Variants in CREB5 observed in about 807,000 individuals in gnomAD.
CREB5 encodes the protein cAMP responsive element binding protein 5.
Under a neutral mutation model 57.1 loss-of-function variants are expected in CREB5, and 19 were observed. That is an observed-to-expected ratio of 0.33 (90% confidence interval 0.23 to 0.49). The LOEUF is 0.49. Among genes scored for constraint, CREB5 ranks in the 20% least tolerant of loss-of-function variants. CREB5 has a pLI of 0.99. For missense variants in CREB5, 579 were observed against 671.6 expected (o/e 0.86, Z 1.52); for synonymous variants, 238 against 238.3 (o/e 1.00, Z 0.01).
chr7:28,418,874 A>C (rs1788121085), intron 1 of CREB5, among the ~76,000 whole-genome samples: 1 of 152,180 alleles, frequency 6.6e-6, no homozygotes, highest in African/African-American at 2.4e-5. Flanking sequence ...GGTTGCTTCC[A>C]GGTAGGGATT....
intron 1 of CREB5, among the ~76,000 whole-genome samples, chr7:28,360,741 A>G (rs1028636196): frequency 6.6e-6 from 1 of 152,236 alleles, no homozygotes; most frequent in Non-Finnish European, 1.5e-5. Context: ...ATATGTAATA[A>G]CACTTAAAAA....
chr7:28,341,979 A>G (rs1017310497), intron 1 of CREB5, among the ~76,000 whole-genome samples: 1 of 152,224 alleles, frequency 6.6e-6, no homozygotes, highest in African/African-American at 2.4e-5. Flanking sequence ...GGAAAAGGCC[A>G]TTTGGAAATC....
chr7:28,603,930 A>T (rs530768530), intron 5 of CREB5, among the ~76,000 whole-genome samples: 1 of 152,260 alleles, frequency 6.6e-6, no homozygotes, highest in South Asian at 2.1e-4. Flanking sequence ...GTTGTTTCAC[A>T]AGTTTAAGGG....
chr7:28,462,207 A>G (rs894742816), intron 1 of CREB5, among the ~76,000 whole-genome samples: 1 of 152,120 alleles, frequency 6.6e-6, no homozygotes, highest in Admixed American at 6.5e-5. Context: ...ACTTAGCATA[A>G]CTTTTTCAAG....
chr7:28,811,855 C>T (rs569939919), intron 9 of CREB5, among the ~76,000 whole-genome samples: 3 of 152,190 alleles, frequency 2.0e-5, no homozygotes, highest in Admixed American at 1.3e-4. Flanking sequence ...TAAATATTAC[C>T]GCAGTGGTTC....
At chr7:28,475,501 A>C (rs1791033919) in intron 1 of CREB5, among the ~76,000 whole-genome samples, 1 of 151,950 alleles carries the variant, frequency 6.6e-6, no homozygotes, top group Non-Finnish European at 1.5e-5. Context: ...GAAGAGTGAA[A>C]ATAAGAATAA....
chr7:28,443,528 G>C (rs1431654129), intron 1 of CREB5, among the ~76,000 whole-genome samples: 1 of 152,146 alleles, frequency 6.6e-6, no homozygotes, highest in Non-Finnish European at 1.5e-5. Flanking sequence ...AGTCCATAGA[G>C]GACTGTCTCC....
chr7:28,425,367 A>G (rs537025757), intron 1 of CREB5, among the ~76,000 whole-genome samples: 2 of 152,272 alleles, frequency 1.3e-5, no homozygotes, highest in East Asian at 1.9e-4. Context: ...ATAATTCCAT[A>G]CATAGGAAAT....
intron 1 of CREB5, among the ~76,000 whole-genome samples, chr7:28,386,788 T>A (rs1157948980): frequency 2.0e-5 from 3 of 152,204 alleles, no homozygotes; most frequent in South Asian, 2.1e-4. Context: ...GACTAATGTA[T>A]TGTTACCCTG....
chr7:28,537,584 G>A (rs1220816160), intron 4 of CREB5, among the ~76,000 whole-genome samples: 1 of 152,128 alleles, frequency 6.6e-6, no homozygotes, highest in Non-Finnish European at 1.5e-5. Context: ...AGTTAACAGA[G>A]GCAGAACTTG....
intron 5 of CREB5, among the ~76,000 whole-genome samples, chr7:28,633,604 G>C (rs1329214120): frequency 6.6e-6 from 1 of 152,154 alleles, no homozygotes; most frequent in Non-Finnish European, 1.5e-5. Flanking sequence ...AGGCCAAGCT[G>C]AGAATGATGA....
intron 5 of CREB5, among the ~76,000 whole-genome samples, chr7:28,617,819 A>G (rs1797647767): frequency 6.6e-6 from 1 of 152,228 alleles, no homozygotes; most frequent in Admixed American, 6.5e-5. Context: ...GTTCAAGTTA[A>G]TTATCACCAA....
intron 1 of CREB5, among the ~76,000 whole-genome samples, chr7:28,394,109 G>T (rs1787289862): frequency 1.9e-5 from 2 of 107,292 alleles, no homozygotes; most frequent in Non-Finnish European, 3.8e-5. Context: ...AAAAAAAAGT[G>T]GACTTGGATT....
At chr7:28,529,784 T>C (rs561771756) in intron 4 of CREB5, among the ~76,000 whole-genome samples, 2 of 152,294 alleles carry the variant, frequency 1.3e-5, no homozygotes, top group South Asian at 4.2e-4. Flanking sequence ...GTTTTGCTTG[T>C]TTGTTTCCTC....
intron 7 of CREB5, among the ~76,000 whole-genome samples, chr7:28,743,825 C>T (rs1397929205): frequency 7.2e-6 from 1 of 139,364 alleles, no homozygotes; most frequent in Non-Finnish European, 1.5e-5. Context: ...TGTCTGTGTC[C>T]TAATCTCCTT....
intron 7 of CREB5, among the ~76,000 whole-genome samples, chr7:28,770,552 G>A (rs1196249574): frequency 3.9e-5 from 6 of 152,148 alleles, no homozygotes; most frequent in Admixed American, 3.3e-4. Flanking sequence ...TCCACTTAAT[G>A]TTTTGGTTTT....
At chr7:28,737,117 A>G (rs1462383570) in intron 7 of CREB5, among the ~76,000 whole-genome samples, 1 of 152,070 alleles carries the variant, frequency 6.6e-6, no homozygotes, top group African/African-American at 2.4e-5. Context: ...TGAAATCTTG[A>G]ATGTTAAATT....
chr7:28,637,008 G>T (rs1185588615), intron 5 of CREB5, among the ~76,000 whole-genome samples: 2 of 151,966 alleles, frequency 1.3e-5, no homozygotes, highest in Admixed American at 1.3e-4. Flanking sequence ...ACAAAAATTA[G>T]CCAGGTATGG....
intron 5 of CREB5, among the ~76,000 whole-genome samples, chr7:28,685,665 C>CTTTTTTTT (rs548208912): frequency 7.6e-6 from 1 of 130,946 alleles, no homozygotes; most frequent in South Asian, 2.5e-4. Context: ...ACAGGGCACT[C>CTTTTTTTT]TTTTTTTTTT....
Sources: allele counts gnomAD v4.1 joint callset (sites outside exome capture counted in the v4.1 genomes callset), GRCh38; gene constraint gnomAD v4.1.1; transcripts MANE v1.5; gene names NCBI Gene and HGNC (gene_info 2026-07-23, HGNC 2026-07-21).